Variants in NRN1 observed in about 807,000 individuals in gnomAD.
The protein encoded by NRN1 is neuritin 1.
In NRN1, 4 loss-of-function variants were observed where a neutral mutation model predicts 15.0. That is an observed-to-expected ratio of 0.27 (90% CI 0.13 to 0.61). The LOEUF is 0.61. Among genes scored for constraint, NRN1 ranks in the 20% least tolerant of loss-of-function variants. The probability of loss-of-function intolerance (pLI) is 0.87; values close to 1 mark genes in which losing one functional copy is unlikely to be tolerated. For missense variants in NRN1, 134 were observed against 181.9 expected (o/e 0.74, Z 1.51); for synonymous variants, 85 against 79.8 (o/e 1.07, Z -0.35).
At chr6:6,004,303 T>C (rs949845056) in intron 1 of NRN1, among the ~76,000 whole-genome samples, 24 of 152,278 alleles carry the variant, frequency 1.6e-4, no homozygotes, top group African/African-American at 5.5e-4. Flanking sequence ...CTGATAGAGC[T>C]CGTTCAAAAT....
At chr6:6,003,811 G>C in intron 1 of NRN1, 1 of 1,233,822 alleles carries the variant, frequency 8.1e-7, no homozygotes, top group Non-Finnish European at 1.0e-6. Context: ...CCGGGAGGGC[G>C]CCAGAGAAGC....
In NRN1 at chr6:5,998,926, G is replaced by C. The variant is rs746195100; in HGVS notation, c.*50C>G. On this transcript the variant is annotated 3_prime_UTR_variant, in exon 3 of 3. Coordinates refer to ENST00000244766, the MANE Select transcript of NRN1 (RefSeq NM_016588.3). ...TAATGGATCTTCCTCTCGATTTCCG[G>C]GAGCATGGAGTGAGTGTGGGTGGGC... 4.8e-5 allele frequency: 64 copies of C among 1,338,264 alleles called. No individual in the cohort carries two copies. Among genetic ancestry groups the C allele is most frequent in the Admixed American group, 1.9e-5 (1 of 52,816 alleles). The allele number at this position is 1,338,264 out of a possible 1,614,324, so 82.9% of individuals were successfully genotyped here.
rs192409860 is a variant in NRN1 at position 6,002,332 on chromosome 6, C to A, written c.200+21G>T. ...TAGCGCCCCCAAAACCGAAGTCCAG[C>A]CGGCCAGAGAGGACACTTACGTGCA... On this transcript the variant is annotated intron_variant, in intron 2 of 2. Transcript: ENST00000244766. 6.4e-4 allele frequency: 1,035 copies of A among 1,611,152 alleles called. 1 individual carries two copies. Among genetic ancestry groups the A allele is most frequent in the Non-Finnish European group, 6.5e-4 (762 of 1,177,640 alleles).
chr6:6,003,347 T>C (rs962917258), intron 1 of NRN1: 7 of 847,876 alleles, frequency 8.3e-6, no homozygotes, highest in Non-Finnish European at 1.1e-5. Flanking sequence ...AAAGGCCAAA[T>C]CCACGAACCT....
At chr6:6,002,792 A>C in intron 1 of NRN1, 1 of 439,944 alleles carries the variant, frequency 2.3e-6, no homozygotes, top group Non-Finnish European at 4.1e-6. Context: ...CTCGCTCCGT[A>C]TCTTTTTCTG....
chr6:6,003,524 G>C (rs1172528681), intron 1 of NRN1, among the ~76,000 whole-genome samples: 6 of 152,216 alleles, frequency 3.9e-5, no homozygotes, highest in African/African-American at 1.2e-4. Flanking sequence ...GCCGCGGCCC[G>C]GGGCTCCTGG....
At chr6:6,007,241 C>G (rs1011230672), upstream of NRN1, among the ~76,000 whole-genome samples, 2 of 152,048 alleles carry the variant, frequency 1.3e-5, no homozygotes, top group African/African-American at 2.4e-5. Context: ...CGGGGGCCCC[C>G]CAGCCCCGCC....
intron 2 of NRN1, among the ~76,000 whole-genome samples, chr6:6,001,862 T>G (rs1039939141): frequency 2.0e-5 from 3 of 152,034 alleles, no homozygotes; most frequent in Non-Finnish European, 4.4e-5. Context: ...AAGAGAGGAG[T>G]GACTTTCCCT....
chr6:6,000,883 G>C (rs1757927716), intron 2 of NRN1, among the ~76,000 whole-genome samples: 1 of 151,956 alleles, frequency 6.6e-6, no homozygotes, highest in Non-Finnish European at 1.5e-5. Flanking sequence ...CCTGGACCTA[G>C]CCGTGGCCTG....
rs1306431699 is a variant in NRN1, at chr6:6,006,791, T to C, written c.-42A>G. 3 of 1,600,516 alleles carry C rather than the reference T, an allele frequency of 1.9e-6. No homozygotes were observed. Among genetic ancestry groups the C allele is most frequent in the Non-Finnish European group, 2.6e-6 (3 of 1,167,822 alleles). ...CCATTTGCGACCGCAGACCTTTAAATAGTTAGTTTAGAGAACGCGGGGGAA... is the reference window on the plus strand; with the variant it reads ...CCATTTGCGACCGCAGACCTTTAAACAGTTAGTTTAGAGAACGCGGGGGAA... On this transcript the variant is annotated 5_prime_UTR_variant, in exon 1 of 3. Coordinates refer to ENST00000244766, the MANE Select transcript of NRN1 (RefSeq NM_016588.3).
At chr6:6,007,322 T>A (rs1300981799), upstream of NRN1, among the ~76,000 whole-genome samples, 1 of 150,218 alleles carries the variant, frequency 6.7e-6, no homozygotes, top group African/African-American at 2.5e-5. Context: ...GCGCGCCCAC[T>A]CGATTGTTTC....
chr6:5,999,808 G>T (rs1757888586), intron 2 of NRN1, among the ~76,000 whole-genome samples: 2 of 151,208 alleles, frequency 1.3e-5, no homozygotes, highest in Non-Finnish European at 2.9e-5. Flanking sequence ...TTCTTTTTCC[G>T]TTCCGTCTGC....
chr6:6,006,494 C>A (rs1185014088), intron 1 of NRN1, among the ~76,000 whole-genome samples: 1 of 152,164 alleles, frequency 6.6e-6, no homozygotes, highest in East Asian at 1.9e-4. Flanking sequence ...CATTTCCTGG[C>A]GAACATTTGG....
intron 1 of NRN1, among the ~76,000 whole-genome samples, chr6:6,004,757 A>G (rs1278485201): frequency 6.6e-6 from 1 of 152,136 alleles, no homozygotes; most frequent in Non-Finnish European, 1.5e-5. Flanking sequence ...AACCCCGCTT[A>G]GGCGAGACTC....
Position 5,999,090 on chromosome 6 carries a change from G to A in NRN1, c.315C>T (p.Gly105=), listed in dbSNP as rs904570056. ...CGCTGCCGCAGAGTTCGAATAAGCT[G>A]CCTTGGATGTTGAGGTTTTTGGATT... ...RKESKNLNIQ[G]SLFELCGSGN... is the part of the protein sequence containing the mutation. The change falls in exon 3 of 3, where the codon GGC becomes GGT. Residue 105 remains glycine, a synonymous_variant. Transcript: ENST00000244766. 1.2e-6 allele frequency: 2 copies of A among 1,614,044 alleles called. No individual in the cohort carries two copies. The highest frequency in any genetic ancestry group is 2.7e-5 in the African/African-American group (2 of 74,952).
intron 2 of NRN1, among the ~76,000 whole-genome samples, chr6:6,000,228 C>T (rs1383407567): frequency 6.6e-6 from 1 of 152,208 alleles, no homozygotes; most frequent in Non-Finnish European, 1.5e-5. Context: ...CGGAGCCTGG[C>T]GCCTAACTCA....
chr6:6,000,739 T>TAATGTA (rs1757921174), intron 2 of NRN1, among the ~76,000 whole-genome samples: 1 of 122,360 alleles, frequency 8.2e-6, no homozygotes, highest in African/African-American at 3.4e-5. Flanking sequence ...TTTTTTTTTT[T>TAATGTA]TTTTTTTTTA....
Position 6,006,917 on chromosome 6 carries a change from C to T in NRN1, c.-168G>A. Reference sequence around the variant, plus strand: ...AGAAAGAGAGGGAGCGAGGAAGAGACAGAAAGAGAGAGAGAGAGAGAAAGA... The same window carrying T: ...AGAAAGAGAGGGAGCGAGGAAGAGATAGAAAGAGAGAGAGAGAGAGAAAGA... On this transcript the variant is annotated 5_prime_UTR_variant, in exon 1 of 3. Transcript: ENST00000244766. The T allele has an allele frequency of 1.2e-5, 4 of 328,660 alleles. No individual in the cohort carries two copies. Among genetic ancestry groups the T allele is most frequent in the Non-Finnish European group, 1.1e-5 (2 of 178,184 alleles). 20.4% of individuals were successfully genotyped at this position (328,660 alleles called of 1,614,324 possible).
chr6:6,001,799 C>G (rs1442011608), intron 2 of NRN1, among the ~76,000 whole-genome samples: 1 of 152,144 alleles, frequency 6.6e-6, no homozygotes, highest in Non-Finnish European at 1.5e-5. Flanking sequence ...TTGCCTGTGC[C>G]GGCATTTCCT....
Sources: gnomAD v4.1 joint callset for allele counts (sites outside exome capture counted in the v4.1 genomes callset) on GRCh38, gnomAD v4.1.1 for gene constraint, MANE v1.5 for transcripts, NCBI Gene and HGNC (gene_info 2026-07-23, HGNC 2026-07-21) for gene names.